The following PDXP variants were observed in gnomAD, a reference collection of about 807,000 sequenced individuals.
The protein encoded by PDXP is pyridoxal phosphatase, also known as chronophin.
A neutral mutation model predicts 14.4 loss-of-function variants in PDXP; 15 were observed. The observed-to-expected ratio is 1.04, with a 90% CI of 0.70 to 1.60. The LOEUF is 1.60. Among genes scored for constraint, PDXP ranks in the 40% most tolerant of loss-of-function variants. The pLI, the probability that PDXP is intolerant of heterozygous loss-of-function variation, is 0.00. For synonymous variants in PDXP, 233 were observed against 205.6 expected (o/e 1.13, Z -1.14); for missense variants, 413 against 427.6 (o/e 0.97, Z 0.30).
rs116303947 is a variant in PDXP, at chr22:37,660,723, G to C, written c.574+1367G>C. Among the ~76,000 whole-genome samples, 976 of 152,294 alleles carry C rather than the reference G, an allele frequency of 6.4e-3. 13 individuals are homozygous for C. Among genetic ancestry groups the C allele is most frequent in the African/African-American group, 0.023 (943 of 41,550 alleles). On this transcript the variant is annotated intron_variant, in intron 1 of 1. Coordinates refer to ENST00000215904, the MANE Select transcript of PDXP (RefSeq NM_020315.5). ...ACAGTCATTGATATTAAATCCTGGG[G>C]GTACAGGATGGTATTGAGTGGAGAG...
intron 1 of PDXP, among the ~76,000 whole-genome samples, chr22:37,660,993 T>C (rs1933192058): frequency 6.6e-6 from 1 of 152,164 alleles, no homozygotes; most frequent in Non-Finnish European, 1.5e-5. Flanking sequence ...TGTTGAGGGC[T>C]CTCTGGTCAG....
At chr22:37,661,693 C>T (rs988348291) in intron 1 of PDXP, among the ~76,000 whole-genome samples, 3 of 152,060 alleles carry the variant, frequency 2.0e-5, no homozygotes, top group East Asian at 1.9e-4. Flanking sequence ...TGCTCTATCC[C>T]GTGTCTGGCA....
In PDXP at chr22:37,666,002, AC is replaced by A; in HGVS notation, c.*134del. On this transcript the variant is annotated 3_prime_UTR_variant, in exon 2 of 2. Coordinates refer to ENST00000215904, the MANE Select transcript of PDXP (RefSeq NM_020315.5). Reference sequence around the variant, plus strand: ...AGTTCTGCACCGGGGTGGGGCTGGGACCCGGGGAAGGTTTGAGGGCCCTTGC... The same window carrying A: ...AGTTCTGCACCGGGGTGGGGCTGGGACCGGGGAAGGTTTGAGGGCCCTTGC... 1.0e-6 allele frequency: 1 copy of A among 1,003,082 alleles called. No homozygotes were observed. The highest frequency in any genetic ancestry group is 2.6e-5 in the East Asian group (1 of 38,154). The allele number at this position is 1,003,082 out of a possible 1,614,324, so 62.1% of individuals were successfully genotyped here. A position where few individuals can be genotyped will look rare whatever the true frequency, so the allele number is the denominator to read the frequency against.
chr22:37,665,936 T>G lies in PDXP; in HGVS notation c.*65T>G. The stretch of plus-strand genomic sequence containing the variant: ...TCCCTGATCCCGTAGGTGGAGGCGA[T>G]GGGTCACGAGCCATGTTAAGCACAA... On this transcript the variant is annotated 3_prime_UTR_variant, in exon 2 of 2. Transcript: ENST00000215904. The G allele has an allele frequency of 6.8e-7, 1 of 1,477,650 alleles. No homozygotes were observed. The highest frequency in any genetic ancestry group is 9.3e-7 in the Non-Finnish European group (1 of 1,076,756). The allele number at this position is 1,477,650 out of a possible 1,614,324, so 91.5% of individuals were successfully genotyped here.
chr22:37,659,966 T>C (rs551508613), intron 1 of PDXP, among the ~76,000 whole-genome samples: 1 of 151,562 alleles, frequency 6.6e-6, no homozygotes, highest in South Asian at 2.1e-4. Context: ...TTGTGTGTGT[T>C]CTTCTTTGGT....
rs887284335 is a variant in PDXP at position 37,660,585 on chromosome 22, A to C, written c.574+1229A>C. On this transcript the variant is annotated intron_variant, in intron 1 of 1. Transcript: ENST00000215904. ...TTTGCGTTAGACAAGAGCAGGTGGC[A>C]GCAGAGGCTAATTGGCAGTGGTCAG... Among the ~76,000 whole-genome samples the C allele has an allele frequency of 7.2e-5, 11 of 152,218 alleles. 1 individual carries two copies. The East Asian group carries it at 9.6e-4, about 13-fold the overall frequency.
intron 1 of PDXP, among the ~76,000 whole-genome samples, chr22:37,664,556 A>T (rs967650409): frequency 6.6e-6 from 1 of 152,228 alleles, no homozygotes; most frequent in African/African-American, 2.4e-5. Context: ...AAATTACTTA[A>T]TGTCCCTGAG....
In PDXP at chr22:37,660,858, A is replaced by G. The variant is rs573781267; in HGVS notation, c.574+1502A>G. Among the ~76,000 whole-genome samples, 13 of 152,258 alleles carry G rather than the reference A, an allele frequency of 8.5e-5. No homozygotes were observed. In the East Asian group the frequency reaches 2.5e-3, roughly 29 times the overall value. On this transcript the variant is annotated intron_variant, in intron 1 of 1. Transcript: ENST00000215904. ...CAGGGCAGTGATAATACACCAGGAG[A>G]TGTAAACCCAGTGTTATGGCATGGC...
Position 37,659,092 on chromosome 22 carries a change from C to A in PDXP, c.310C>A (p.Pro104Thr). The A allele has an allele frequency of 9.5e-7, 1 of 1,056,912 alleles. No homozygotes were observed. Among genetic ancestry groups the A allele is most frequent in the Non-Finnish European group, 1.1e-6 (1 of 878,278 alleles). 65.5% of individuals were successfully genotyped at this position (1,056,912 alleles called of 1,614,324 possible). A position where few individuals can be genotyped will look rare whatever the true frequency, so the allele number is the denominator to read the frequency against. ...GCTGCGCCAGCGCCTGCCCGGGCCT[C>A]CGGACGCGCCGGGCGCCGTGTTCGT... ...RLLRQRLPGPPDAPGAVFVLG... is the reference protein window; with the variant it reads ...RLLRQRLPGPTDAPGAVFVLG... Residue 104 changes from proline (P) to threonine (T), a missense_variant, in exon 1 of 2, where the codon CCG becomes ACG. Pro to Thr is a conservative substitution (Grantham distance 38). Coordinates refer to ENST00000215904, the MANE Select transcript of PDXP (RefSeq NM_020315.5).
At chr22:37,659,967 C>T (rs1054419580) in intron 1 of PDXP, among the ~76,000 whole-genome samples, 1 of 151,406 alleles carries the variant, frequency 6.6e-6, no homozygotes, top group Non-Finnish European at 1.5e-5. Context: ...TGTGTGTGTT[C>T]TTCTTTGGTT....
In PDXP at chr22:37,666,351, T is replaced by C. The variant is rs551934818; in HGVS notation, c.*480T>C. ...GCTAAGTGATAGTGACTCATCAATG[T>C]TGGGTCCTGTGGGGTACCAGTTTAG... On this transcript the variant is annotated 3_prime_UTR_variant, in exon 2 of 2. Transcript: ENST00000215904. The C allele has an allele frequency of 5.2e-6, 1 of 193,756 alleles. No individual in the cohort carries two copies. Among genetic ancestry groups the C allele is most frequent in the East Asian group, 1.4e-4 (1 of 6,970 alleles). 12.0% of individuals were successfully genotyped at this position (193,756 alleles called of 1,614,324 possible).
In PDXP at chr22:37,659,361, G is replaced by C; in HGVS notation, c.574+5G>C. On this transcript the variant is annotated splice_donor_5th_base_variant and intron_variant, in intron 1 of 1. Transcript: ENST00000215904. ...GCGACGGCAGCCGGACCCCTGGTGA[G>C]CGCGGGAATGGCGGGGAAACTGAGA... is the stretch of plus-strand genomic sequence containing the variant. The C allele has an allele frequency of 3.1e-6, 4 of 1,298,430 alleles. No homozygotes were observed. Among genetic ancestry groups the C allele is most frequent in the Non-Finnish European group, 3.9e-6 (4 of 1,021,526 alleles). The allele number at this position is 1,298,430 out of a possible 1,614,324, so 80.4% of individuals were successfully genotyped here.
chr22:37,662,369 T>C (rs1933222785), intron 1 of PDXP, among the ~76,000 whole-genome samples: 1 of 152,088 alleles, frequency 6.6e-6, no homozygotes, highest in Non-Finnish European at 1.5e-5. Context: ...GTTGTCAGCC[T>C]TGGGAAGGGA....
chr22:37,660,107 C>G (rs1485738831), intron 1 of PDXP, among the ~76,000 whole-genome samples: 1 of 152,130 alleles, frequency 6.6e-6, no homozygotes, highest in Non-Finnish European at 1.5e-5. Context: ...TTGCTTGAGC[C>G]TAGGAGGTCA....
At position 37,659,358 on chromosome 22, in the gene PDXP, T is replaced by C; in HGVS notation, c.574+2T>C. The C allele has an allele frequency of 3.1e-6, 4 of 1,298,426 alleles. No homozygotes were observed. Among genetic ancestry groups the C allele is most frequent in the South Asian group, 3.0e-5 (1 of 33,550 alleles). 80.4% of individuals were successfully genotyped at this position (1,298,426 alleles called of 1,614,324 possible). ...TGAGCGACGGCAGCCGGACCCCTGGTGAGCGCGGGAATGGCGGGGAAACTG... is the reference window on the plus strand; with the variant it reads ...TGAGCGACGGCAGCCGGACCCCTGGCGAGCGCGGGAATGGCGGGGAAACTG... On this transcript the variant is annotated splice_donor_variant, in intron 1 of 1. Coordinates refer to ENST00000215904, the MANE Select transcript of PDXP (RefSeq NM_020315.5). LOFTEE classifies it high-confidence loss of function.
At chr22:37,663,032 G>A (rs975954726) in intron 1 of PDXP, among the ~76,000 whole-genome samples, 2 of 151,166 alleles carry the variant, frequency 1.3e-5, no homozygotes, top group Non-Finnish European at 2.9e-5. Flanking sequence ...CGGTTACAGT[G>A]GCTCACACCT....
chr22:37,663,022 C>T (rs536267709), intron 1 of PDXP, among the ~76,000 whole-genome samples: 40 of 150,278 alleles, frequency 2.7e-4, no homozygotes, highest in African/African-American at 8.3e-4. Context: ...TACCATGGGC[C>T]GGTTACAGTG....
rs950374084 is a variant in PDXP at position 37,659,156 on chromosome 22, C to T, written c.374C>T (p.Ala125Val). Reference protein sequence around the residue: ...GEGLRAELRAAGLRLAGDPSA... With the variant: ...GEGLRAELRAVGLRLAGDPSA... ...GGGCTGCGCGCCGAGCTGCGCGCCG[C>T]GGGGCTGCGCCTGGCCGGGGACCCG... Residue 125 changes from alanine to valine, a missense_variant, in exon 1 of 2, where the codon GCG becomes GTG. Coordinates refer to ENST00000215904, the MANE Select transcript of PDXP (RefSeq NM_020315.5). 6.6e-6 allele frequency: 7 copies of T among 1,064,476 alleles called. No homozygotes were observed. In the South Asian group the frequency reaches 2.6e-4, roughly 40 times the overall value. 65.9% of individuals were successfully genotyped at this position (1,064,476 alleles called of 1,614,324 possible).
At position 37,665,682 on chromosome 22, in the gene PDXP, T is replaced by C. The variant is rs1318030366; in HGVS notation, c.702T>C (p.Leu234=). 1.2e-6 allele frequency: 2 copies of C among 1,614,092 alleles called. No homozygotes were observed. The highest frequency in any genetic ancestry group is 1.7e-6 in the Non-Finnish European group (2 of 1,180,018). The change falls in exon 2 of 2, where the codon CTT becomes CTC. Residue 234 remains leucine (L), a synonymous_variant. Transcript: ENST00000215904. Reference sequence around the variant, plus strand: ...TCAGCATCGACCCCGCACGCACGCTTATGGTGGGTGACCGCCTGGAGACCG... The same window carrying C: ...TCAGCATCGACCCCGCACGCACGCTCATGGTGGGTGACCGCCTGGAGACCG... ...ENFSIDPART[L]MVGDRLETDI...
Sources: gnomAD v4.1 joint callset for allele counts (sites outside exome capture counted in the v4.1 genomes callset) on GRCh38, gnomAD v4.1.1 for gene constraint, MANE v1.5 for transcripts, NCBI Gene and HGNC (gene_info 2026-07-23, HGNC 2026-07-21) for gene names.